LRRC72: variants seen among roughly 807,000 people sequenced by gnomAD.
The protein encoded by LRRC72 is leucine-rich repeat-containing protein 72.
LRRC72 carries 41 observed loss-of-function variants against 35.8 expected under a neutral mutation model. The observed-to-expected ratio is 1.15, with a 90% CI of 0.89 to 1.49. The LOEUF is 1.49. Among genes scored for constraint, LRRC72 ranks in the 40% most tolerant of loss-of-function variants. The pLI is 0.00. For missense variants in LRRC72, 389 were observed against 330.7 expected, an observed-to-expected ratio of 1.18 and a Z score of -1.37; for synonymous variants, 118 against 119.2, an observed-to-expected ratio of 0.99 and a Z score of 0.07.
At chr7:16,554,345 A>G (rs564481193) in intron 3 of LRRC72, among the ~76,000 whole-genome samples, 12 of 152,326 alleles carry the variant, frequency 7.9e-5, no homozygotes, top group African/African-American at 2.4e-4. Context: ...AAATAAATAA[A>G]TAAATAGCAT....
intron 5 of LRRC72, among the ~76,000 whole-genome samples, chr7:16,563,143 A>C (rs1299906990): frequency 3.9e-5 from 6 of 152,232 alleles, no homozygotes; most frequent in Admixed American, 3.3e-4. Flanking sequence ...TAAAATTGGG[A>C]TGTTGGTCTC....
chr7:16,527,873 C>A (rs1446660095), intron 1 of LRRC72, among the ~76,000 whole-genome samples: 1 of 152,034 alleles, frequency 6.6e-6, no homozygotes, highest in African/African-American at 2.4e-5. Context: ...ATTTAATAAT[C>A]CTGCCATTTT....
chr7:16,541,670 T>A (rs1782359537), intron 3 of LRRC72, among the ~76,000 whole-genome samples: 1 of 152,162 alleles, frequency 6.6e-6, no homozygotes, highest in Non-Finnish European at 1.5e-5. Context: ...TCCCAGCCCT[T>A]TGGGAGGCCG....
At chr7:16,527,130 A>G in intron 1 of LRRC72, 88 bp downstream of exon 1, 2 of 1,035,286 alleles carry the variant, frequency 1.9e-6, no homozygotes, top group Admixed American at 2.2e-5. Flanking sequence ...CCAGGCAGGT[A>G]CTGAATTTGG....
chr7:16,541,013 T>A (rs1017348166), intron 3 of LRRC72, among the ~76,000 whole-genome samples: 1 of 152,148 alleles, frequency 6.6e-6, no homozygotes, highest in Non-Finnish European at 1.5e-5. Flanking sequence ...TGTCTCAAGA[T>A]CACCAAGTGT....
chr7:16,572,598 A>G (rs986101459), intron 7 of LRRC72, among the ~76,000 whole-genome samples: 3 of 152,240 alleles, frequency 2.0e-5, no homozygotes, highest in Non-Finnish European at 4.4e-5. Context: ...AATAAAATTC[A>G]ACACCCCTTC....
intron 1 of LRRC72, chr7:16,530,621 A>G (rs576538525): frequency 6.0e-4 from 92 of 152,334 alleles, no homozygotes; most frequent in African/African-American, 2.1e-3. Context: ...TCACATGTCA[A>G]TTTAACCTGC....
chr7:16,554,546 C>T (rs1465563872), intron 3 of LRRC72, among the ~76,000 whole-genome samples: 1 of 152,108 alleles, frequency 6.6e-6, no homozygotes, highest in South Asian at 2.1e-4. Flanking sequence ...TTTAGGGAAA[C>T]GCCCTCCTTA....
Position 16,537,715 on chromosome 7 carries a change from T to G in LRRC72, c.234+19T>G, listed in dbSNP as rs377378983. The G allele has an allele frequency of 7.9e-7, 1 of 1,260,392 alleles. No homozygotes were observed. The highest frequency in any genetic ancestry group is 1.1e-6 in the Non-Finnish European group (1 of 910,920). The allele number at this position is 1,260,392 out of a possible 1,614,324, so 78.1% of individuals were successfully genotyped here. ...TAACAAGGTAGTGTTTTATTTTATC[T>G]TTCAATTACTAAAATTAAACTACTA... On this transcript the variant is annotated intron_variant, in intron 3 of 8. Transcript: ENST00000401542.
intron 7 of LRRC72, among the ~76,000 whole-genome samples, chr7:16,575,256 C>T (rs1583654899): frequency 6.6e-6 from 1 of 152,276 alleles, no homozygotes; most frequent in South Asian, 2.1e-4. Flanking sequence ...TAAATCCCTT[C>T]AAATATTTTA....
At chr7:16,558,844 G>A (rs1782695162) in intron 4 of LRRC72, 45 bp from the exon 5 acceptor site, 2 of 1,220,318 alleles carry the variant, frequency 1.6e-6, no homozygotes, top group South Asian at 4.0e-5. Context: ...AAAATAAACT[G>A]AAAAAAATGT....
At position 16,536,080 on chromosome 7, in the gene LRRC72, C is replaced by T. The variant is rs529953048; in HGVS notation, c.165-1547C>T. Among the ~76,000 whole-genome samples, 14 of 152,214 alleles carry T rather than the reference C, an allele frequency of 9.2e-5. 1 individual carries two copies. In the South Asian group the frequency reaches 2.7e-3, roughly 29 times the overall value. On this transcript the variant is annotated intron_variant, in intron 2 of 8. Coordinates refer to ENST00000401542, the MANE Select transcript of LRRC72 (RefSeq NM_001195280.2). ...TAGAGACGGGGTTTCACCATGTTGG[C>T]TAGGCTGGTCTCAAACTCCTGACCT...
intron 7 of LRRC72, among the ~76,000 whole-genome samples, chr7:16,570,031 AAAAAG>A (rs1782916324): frequency 6.6e-6 from 1 of 151,986 alleles, no homozygotes; most frequent in Admixed American, 6.6e-5. Context: ...TTCCTTCTCA[AAAAAG>A]AAAAGAAAAA....
At chr7:16,564,444 G>A (rs1455942427) in intron 5 of LRRC72, among the ~76,000 whole-genome samples, 1 of 150,268 alleles carries the variant, frequency 6.7e-6, no homozygotes, top group African/African-American at 2.5e-5. Flanking sequence ...ATAATTATTT[G>A]TTACCACTTT....
chr7:16,574,662 G>A lies in LRRC72; in HGVS notation c.671-5412G>A, dbSNP rs1252976186. Among the ~76,000 whole-genome samples, 31 of 152,032 alleles carry A rather than the reference G, an allele frequency of 2.0e-4. 1 individual carries two copies. Among genetic ancestry groups the A allele is most frequent in the South Asian group, 2.1e-4 (1 of 4,812 alleles). Reference sequence around the variant, plus strand: ...GGGGCCTGTCGGGGGCTGGAGGGCTGGGGGAGGGATAGCATTAGGAGAAAT... The same window carrying A: ...GGGGCCTGTCGGGGGCTGGAGGGCTAGGGGAGGGATAGCATTAGGAGAAAT... On this transcript the variant is annotated intron_variant, in intron 7 of 8. Coordinates refer to ENST00000401542, the MANE Select transcript of LRRC72 (RefSeq NM_001195280.2).
chr7:16,556,315 T>C (rs1325806403), intron 3 of LRRC72, among the ~76,000 whole-genome samples: 2 of 152,320 alleles, frequency 1.3e-5, no homozygotes, highest in Middle Eastern at 3.4e-3. Flanking sequence ...TGAAGAAACA[T>C]GGTTCCTTTC....
At position 16,526,971 on chromosome 7, in the gene LRRC72, C is replaced by A. The variant is rs1432099455; in HGVS notation, c.19C>A (p.Pro7Thr). Reference protein sequence around the residue: MSWDPNPVPRTLRCWRL... With the variant: MSWDPNTVPRTLRCWRL... ...TGTCCTGATGTCCTGGGACCCGAAC[C>A]CCGTGCCCCGTACCTTGCGATGCTG... The change falls in exon 1 of 9, where the codon CCC becomes ACC. Residue 7 changes from proline (P) to threonine (T), a missense_variant. Coordinates refer to ENST00000401542, the MANE Select transcript of LRRC72 (RefSeq NM_001195280.2). 5.2e-6 allele frequency: 8 copies of A among 1,539,816 alleles called. No homozygotes were observed. The highest frequency in any genetic ancestry group is 7.0e-6 in the Non-Finnish European group (8 of 1,146,936).
intron 3 of LRRC72, among the ~76,000 whole-genome samples, chr7:16,544,481 T>C (rs1782410563): frequency 6.6e-6 from 1 of 152,178 alleles, no homozygotes; most frequent in South Asian, 2.1e-4. Flanking sequence ...GGGAGGCAGC[T>C]GCTCTTAGGT....
chr7:16,571,916 G>A (rs979962907), intron 7 of LRRC72, among the ~76,000 whole-genome samples: 4 of 152,172 alleles, frequency 2.6e-5, no homozygotes, highest in East Asian at 1.9e-4. Context: ...ATCCCACCCC[G>A]ACAGAGCCCA....
Sources: allele counts gnomAD v4.1 joint callset (sites outside exome capture counted in the v4.1 genomes callset), GRCh38; gene constraint gnomAD v4.1.1; transcripts MANE v1.5; gene names NCBI Gene and HGNC (gene_info 2026-07-23, HGNC 2026-07-21).